The following NAV1 variants were observed in gnomAD, a reference collection of about 807,000 sequenced individuals.
NAV1 encodes neuron navigator 1.
In NAV1, 18 loss-of-function variants were observed where a neutral mutation model predicts 175.2. The observed-to-expected ratio is 0.10, with a 90% CI of 0.07 to 0.15. The LOEUF (loss-of-function observed/expected upper bound fraction) is 0.15. Ranked by LOEUF, NAV1 falls within the 10% of genes least tolerant of loss-of-function variation. The pLI is 1.00. For synonymous variants in NAV1, 897 were observed against 978.7 expected (o/e 0.92, Z 1.56); for missense variants, 1,731 against 2,436.6 (o/e 0.71, Z 6.10).
intron 2 of NAV1, among the ~76,000 whole-genome samples, chr1:201,615,054 G>A (rs968717301): frequency 2.0e-5 from 3 of 152,112 alleles, no homozygotes; most frequent in African/African-American, 7.2e-5. Context: ...GGAGGAGAGA[G>A]AAAAGTGTGT....
intron 1 of NAV1, among the ~76,000 whole-genome samples, chr1:201,577,353 T>C (rs143080034): frequency 6.6e-6 from 1 of 152,350 alleles, no homozygotes; most frequent in African/African-American, 2.4e-5. Flanking sequence ...TTATCAAGTC[T>C]AAGAACTCTT....
chr1:201,545,644 T>C (rs1665646857), intron 1 of NAV1, among the ~76,000 whole-genome samples: 1 of 152,234 alleles, frequency 6.6e-6, no homozygotes, highest in Non-Finnish European at 1.5e-5. Flanking sequence ...GAAGGTGTCA[T>C]GTCCAGAGTG....
chr1:201,602,638 TTTTTTTTTTTTGG>T lies in NAV1; in HGVS notation c.-33+14001_-33+14013del, dbSNP rs1411333530. Among the ~76,000 whole-genome samples, 391 of 95,810 alleles carry T rather than the reference TTTTTTTTTTTTGG, an allele frequency of 4.1e-3. 3 individuals carry two copies. The highest frequency in any genetic ancestry group is 8.5e-3 in the Middle Eastern group (2 of 234). The allele number at this position is 95,810 out of a possible 152,430, so 62.9% of individuals were successfully genotyped here. On this transcript the variant is annotated intron_variant, in intron 2 of 33. Coordinates refer to the NAV1 transcript ENST00000685211. Reference sequence around the variant, plus strand: ...CCACTGCACCTAGACTTAAGCTATGTTTTTTTTTTTTGGTTTTTTTTTTTTTTGGTTTTTTTTT... The same window carrying T: ...CCACTGCACCTAGACTTAAGCTATGTTTTTTTTTTTTTTTGGTTTTTTTTT...
chr1:201,727,007 G>A (rs956197280), intron 3 of NAV1, among the ~76,000 whole-genome samples: 5 of 152,208 alleles, frequency 3.3e-5, no homozygotes, highest in African/African-American at 1.2e-4. Context: ...CTAGCTCTGT[G>A]AGTTTGGATG....
chr1:201,754,879 T>C (rs1208256021), intron 3 of NAV1, among the ~76,000 whole-genome samples: 3 of 152,230 alleles, frequency 2.0e-5, no homozygotes, highest in Non-Finnish European at 4.4e-5. Context: ...ACCCTCCCAA[T>C]AAATTAGCAA....
At chr1:201,748,575 A>T (rs552428201) in intron 3 of NAV1, among the ~76,000 whole-genome samples, 1 of 152,198 alleles carries the variant, frequency 6.6e-6, no homozygotes, top group Non-Finnish European at 1.5e-5. Flanking sequence ...GAGGGAGGAA[A>T]TCATTGCTTA....
chr1:201,591,816 G>C (rs1345656640), intron 2 of NAV1, among the ~76,000 whole-genome samples: 1 of 152,152 alleles, frequency 6.6e-6, no homozygotes, highest in African/African-American at 2.4e-5. Context: ...CGTGAGACAG[G>C]GAAAGGAAGG....
upstream of NAV1, chr1:201,648,196 G>C (rs1669041432): frequency 2.0e-6 from 2 of 985,230 alleles, no homozygotes; most frequent in African/African-American, 1.8e-5. Context: ...GCCTCGACTC[G>C]GGCTGGCTGG....
rs199582280 is a variant in NAV1 at position 201,718,308 on chromosome 1, G to A, written c.861-82G>A. On this transcript the variant is annotated intron_variant, in intron 2 of 29. Transcript: ENST00000367296. This position sits in a 1 kb window ranked among gnomAD's most constrained non-coding sequence, Gnocchi z 4.8. ...GACAGGGCCTGTGGGTGGAGGGGAG[G>A]CATTGCTGGGGTGCATGTGAGGGGA... 2 of 1,369,950 alleles carry A rather than the reference G, an allele frequency of 1.5e-6. No individual in the cohort carries two copies. Among genetic ancestry groups the A allele is most frequent in the African/African-American group, 1.5e-5 (1 of 68,428 alleles). 84.9% of individuals were successfully genotyped at this position (1,369,950 alleles called of 1,614,324 possible).
At chr1:201,575,940 A>G (rs1275694025) in intron 1 of NAV1, among the ~76,000 whole-genome samples, 1 of 152,166 alleles carries the variant, frequency 6.6e-6, no homozygotes, top group Non-Finnish European at 1.5e-5. Context: ...CTTTTATTAA[A>G]CTTTTAATTC....
At chr1:201,641,963 CCTTT>C (rs1247322260) in intron 2 of NAV1, among the ~76,000 whole-genome samples, 10 of 151,132 alleles carry the variant, frequency 6.6e-5, no homozygotes, top group East Asian at 3.9e-4. Context: ...TCCCTTCCTT[CCTTT>C]CTCTCTCTCT....
chr1:201,730,035 C>T (rs1359762731), intron 3 of NAV1, among the ~76,000 whole-genome samples: 3 of 152,158 alleles, frequency 2.0e-5, no homozygotes, highest in Non-Finnish European at 4.4e-5. Context: ...CCAACTATTC[C>T]GCCTGGGTGG....
intron 1 of NAV1, among the ~76,000 whole-genome samples, chr1:201,569,692 G>T (rs1002159123): frequency 1.3e-5 from 2 of 152,204 alleles, no homozygotes; most frequent in African/African-American, 4.8e-5. Flanking sequence ...ACAGAGAGGG[G>T]CCCTGTGATC....
chr1:201,618,891 C>T (rs1235966296), upstream of NAV1, among the ~76,000 whole-genome samples: 4 of 152,088 alleles, frequency 2.6e-5, no homozygotes, highest in South Asian at 2.1e-4. Context: ...GTTCTCACTC[C>T]GAAGGCAAAC....
intron 1 of NAV1, among the ~76,000 whole-genome samples, chr1:201,540,474 A>G (rs939475847): frequency 2.6e-5 from 4 of 152,214 alleles, no homozygotes; most frequent in African/African-American, 9.6e-5. Flanking sequence ...TGTTCCCCCT[A>G]CATGAAGTCC....
chr1:201,649,696 G>C (rs948423834), intron 1 of NAV1, among the ~76,000 whole-genome samples: 7 of 152,222 alleles, frequency 4.6e-5, no homozygotes, highest in African/African-American at 1.7e-4. Context: ...AATGGGATGG[G>C]GGGTGAGGGG....
intron 2 of NAV1, among the ~76,000 whole-genome samples, chr1:201,610,413 A>G (rs1667812282): frequency 6.6e-6 from 1 of 152,204 alleles, no homozygotes; most frequent in Admixed American, 6.5e-5. Context: ...TGTGAGAAAC[A>G]AGCCCCTAGA....
At chr1:201,814,369 C>CA (rs11436961) in intron 28 of NAV1, among the ~76,000 whole-genome samples, 96,080 of 147,568 alleles carry the variant, frequency 0.65, 31,973 homozygotes, top group Non-Finnish European at 0.74. Context: ...GAACCTGTCT[C>CA]AAAAAAAAAA....
chr1:201,685,454 A>G (rs1285263632), intron 1 of NAV1, among the ~76,000 whole-genome samples: 1 of 152,142 alleles, frequency 6.6e-6, no homozygotes, highest in Non-Finnish European at 1.5e-5. Flanking sequence ...CCTTCCCCCA[A>G]GTGATGCTCT....
Sources: allele counts gnomAD v4.1 joint callset (sites outside exome capture counted in the v4.1 genomes callset), GRCh38; gene constraint gnomAD v4.1.1; non-coding constraint Gnocchi (gnomAD v3.1); transcripts MANE v1.5; gene names NCBI Gene and HGNC (gene_info 2026-07-23, HGNC 2026-07-21).